PAK3: variants seen among roughly 807,000 people sequenced by gnomAD.
PAK3 encodes serine/threonine-protein kinase PAK 3.
In PAK3, 4 loss-of-function variants were observed where a neutral mutation model predicts 41.0. That is an observed-to-expected ratio of 0.10 (90% confidence interval 0.05 to 0.22). The LOEUF is 0.22. Among genes scored for constraint, PAK3 ranks in the 10% least tolerant of loss-of-function variants. The pLI, the probability that PAK3 is intolerant of heterozygous loss-of-function variation, is 1.00. For missense variants in PAK3, 205 were observed against 409.9 expected (o/e 0.50, Z 4.32); for synonymous variants, 146 against 139.6 (o/e 1.05, Z -0.32).
intron 1 of PAK3, among the ~76,000 whole-genome samples, chrX:110,972,089 C>CAT (rs1228818627): frequency 1.1e-3 from 119 of 111,117 alleles, no homozygotes; most frequent in African/African-American, 3.7e-3. Flanking sequence ...CACACACACA[C>CAT]ATATATATAC....
chrX:110,955,474 G>A (rs184255079), intron 1 of PAK3, among the ~76,000 whole-genome samples: 46 of 111,287 alleles, frequency 4.1e-4, no homozygotes, highest in African/African-American at 1.4e-3. Context: ...TAGGCATCAA[G>A]AAACCAAAGA....
intron 10 of PAK3, among the ~76,000 whole-genome samples, chrX:111,167,236 T>C (rs917624658): frequency 1.8e-5 from 2 of 111,267 alleles, no homozygotes; most frequent in Non-Finnish European, 3.8e-5. Context: ...ATCAAGTATC[T>C]TGGACTCAAA....
intron 8 of PAK3, among the ~76,000 whole-genome samples, chrX:111,160,813 G>A (rs760016056): frequency 1.5e-4 from 17 of 111,258 alleles, no homozygotes; most frequent in East Asian, 5.6e-4. Flanking sequence ...TTTTTGTGGC[G>A]CATAGTATTC....
chrX:111,171,321 A>G (rs774916126), intron 10 of PAK3, among the ~76,000 whole-genome samples: 1 of 111,686 alleles, frequency 9.0e-6, no homozygotes, highest in African/African-American at 3.2e-5. Flanking sequence ...TATAACTCAA[A>G]GATAATAATA....
chrX:110,975,494 T>A (rs966928439), intron 1 of PAK3, among the ~76,000 whole-genome samples: 9 of 112,043 alleles, frequency 8.0e-5, no homozygotes, highest in African/African-American at 2.9e-4. Flanking sequence ...TCCACGCTCA[T>A]GGATAGGAAG....
At chrX:111,179,670 C>A (rs769711489) in intron 11 of PAK3, among the ~76,000 whole-genome samples, 1 of 111,734 alleles carries the variant, frequency 8.9e-6, no homozygotes, top group African/African-American at 3.2e-5. Flanking sequence ...CAAAGGAGAT[C>A]TACATATTGC....
chrX:111,022,874 A>G (rs1440130366), intron 1 of PAK3, among the ~76,000 whole-genome samples: 2 of 110,115 alleles, frequency 1.8e-5, no homozygotes, highest in African/African-American at 6.7e-5. Flanking sequence ...ACCAGAAGTG[A>G]GCAGGAGTAG....
intron 4 of PAK3, among the ~76,000 whole-genome samples, chrX:111,119,153 C>G (rs2093523239): frequency 9.0e-6 from 1 of 111,485 alleles, no homozygotes; most frequent in African/African-American, 3.3e-5. Flanking sequence ...GGTATTTAGG[C>G]TCTTTGCCTA....
intron 1 of PAK3, among the ~76,000 whole-genome samples, chrX:111,048,779 T>C (rs946146725): frequency 8.9e-6 from 1 of 112,590 alleles, no homozygotes; most frequent in African/African-American, 3.2e-5. Flanking sequence ...CCACTACAAT[T>C]GTCTCTTAAC....
intron 1 of PAK3, among the ~76,000 whole-genome samples, chrX:111,085,515 A>T (rs2092874767): frequency 8.9e-6 from 1 of 112,284 alleles, no homozygotes; most frequent in African/African-American, 3.2e-5. Flanking sequence ...GTCTTGCTTT[A>T]AAGTATGAAT....
intron 13 of PAK3, among the ~76,000 whole-genome samples, chrX:111,193,862 A>C (rs2094586249): frequency 1.8e-5 from 2 of 112,163 alleles, no homozygotes; most frequent in African/African-American, 6.5e-5. Flanking sequence ...TAAGATGAGG[A>C]CTGTGAATTT....
chrX:111,085,708 T>G lies in PAK3; in HGVS notation c.-27-37369T>G, dbSNP rs1473315257. ...TCATCTACTCCCCAGACGCCTGCAG[T>G]GGTGTCTACATTTTCACCTCTGCAA... On this transcript the variant is annotated intron_variant, in intron 1 of 14. Coordinates refer to the PAK3 transcript ENST00000425146. 2.7e-5 allele frequency among the ~76,000 whole-genome samples: 3 copies of G among 111,891 alleles called. No homozygotes were observed. The East Asian group carries it at 8.4e-4, about 31-fold the overall frequency.
chrX:111,150,666 A>G (rs2094013448), intron 7 of PAK3, among the ~76,000 whole-genome samples: 1 of 111,466 alleles, frequency 9.0e-6, no homozygotes. Flanking sequence ...CTATAATTCA[A>G]TTACCTCCCA....
chrX:111,094,532 C>A (rs779252168), upstream of PAK3, among the ~76,000 whole-genome samples: 3 of 110,849 alleles, frequency 2.7e-5, no homozygotes, highest in Non-Finnish European at 5.7e-5. Context: ...TAGTCTTTGC[C>A]TCCCTCTTTC....
upstream of PAK3, among the ~76,000 whole-genome samples, chrX:111,095,632 T>TC (rs762957921): frequency 3.6e-5 from 4 of 112,181 alleles, no homozygotes; most frequent in Non-Finnish European, 7.5e-5. Context: ...TGTGTGTGCT[T>TC]CATATGCAGA....
rs1211051270 is a variant in PAK3 at position 111,178,980 on chromosome X, T to TATAGAGAGAGAGAGAG, written c.830+5900_830+5901insTAGAGAGAGAGAGAGA. Among the ~76,000 whole-genome samples the TATAGAGAGAGAGAGAG allele has an allele frequency of 6.0e-3, 551 of 91,582 alleles. 6 individuals are homozygous for TATAGAGAGAGAGAGAG. The highest frequency in any genetic ancestry group is 0.021 in the African/African-American group (516 of 24,879). 79.5% of individuals were successfully genotyped at this position (91,582 alleles called of 115,157 possible). ...TGTTTTATATATATATATATATATA[T>TATAGAGAGAGAGAGAG]AGAGAGAGAGATATCTGTATATCTA... On this transcript the variant is annotated intron_variant, in intron 11 of 17. Transcript: ENST00000372007.
chrX:110,974,410 G>A (rs1038676994), intron 1 of PAK3, among the ~76,000 whole-genome samples: 7 of 112,032 alleles, frequency 6.2e-5, no homozygotes, highest in Non-Finnish European at 1.3e-4. Context: ...ATTAAACCAG[G>A]AAGAAGTTGA....
chrX:111,074,111 G>T (rs1461831716), intron 1 of PAK3, among the ~76,000 whole-genome samples: 1 of 111,984 alleles, frequency 8.9e-6, no homozygotes, highest in Non-Finnish European at 1.9e-5. Flanking sequence ...AAAACCATAT[G>T]ATCATTTCAA....
Position 111,175,083 on chromosome X carries a change from A to G in PAK3, c.830+2002A>G, listed in dbSNP as rs182442189. Among the ~76,000 whole-genome samples, 240 of 111,949 alleles carry G rather than the reference A, an allele frequency of 2.1e-3. 1 individual carries two copies. Among genetic ancestry groups the G allele is most frequent in the Middle Eastern group, 9.3e-3 (2 of 216 alleles). ...ACCAGACAGATTGCAAAAAGACAGT[A>G]TTATGTACTAAAGGGACTTAGAAAA... On this transcript the variant is annotated intron_variant, in intron 11 of 17. Transcript: ENST00000372007.
Sources: gnomAD v4.1 joint callset for allele counts (sites outside exome capture counted in the v4.1 genomes callset) on GRCh38, gnomAD v4.1.1 for gene constraint, MANE v1.5 for transcripts, NCBI Gene and HGNC (gene_info 2026-07-23, HGNC 2026-07-21) for gene names.